Variants in RORA observed in about 807,000 individuals in gnomAD.
The protein encoded by RORA is RAR related orphan receptor A.
RORA carries 7 observed loss-of-function variants against 69.5 expected under a neutral mutation model. The ratio of observed to expected loss-of-function variants is 0.10; its 90% CI spans 0.06 to 0.19. The LOEUF is 0.19. RORA is among the 10% of genes least tolerant of loss of function. The pLI is 1.00. For missense variants in RORA, 457 were observed against 663.0 expected (o/e 0.69, Z 3.41); for synonymous variants, 261 against 240.8 (o/e 1.08, Z -0.78).
intron 1 of RORA, among the ~76,000 whole-genome samples, chr15:60,688,796 A>G (rs2070782405): frequency 6.6e-6 from 1 of 152,206 alleles, no homozygotes; most frequent in African/African-American, 2.4e-5. Flanking sequence ...CTGACTTGGG[A>G]CAACTTTTGA....
chr15:60,908,479 A>T (rs537259910), intron 1 of RORA, among the ~76,000 whole-genome samples: 1 of 152,202 alleles, frequency 6.6e-6, no homozygotes, highest in African/African-American at 2.4e-5. Flanking sequence ...CAAATTTTCA[A>T]ATCTGTAGAA....
intron 1 of RORA, among the ~76,000 whole-genome samples, chr15:60,927,931 G>T (rs1270685892): frequency 6.6e-6 from 1 of 152,150 alleles, no homozygotes; most frequent in Admixed American, 6.5e-5. Context: ...ACAGTGTCTG[G>T]ATTAGAACCA....
intron 1 of RORA, among the ~76,000 whole-genome samples, chr15:61,076,760 G>A (rs1476933521): frequency 6.6e-6 from 1 of 152,148 alleles, no homozygotes; most frequent in Non-Finnish European, 1.5e-5. Context: ...GTGAGTCCTT[G>A]AACTGCCATC....
intron 2 of RORA, among the ~76,000 whole-genome samples, chr15:60,542,051 TTGAG>T (rs1327787109): frequency 2.0e-5 from 3 of 152,230 alleles, no homozygotes; most frequent in Admixed American, 6.5e-5. Flanking sequence ...TTAAGATAGC[TTGAG>T]TGAGTGAGTG....
At chr15:60,770,761 T>C (rs2140880974) in intron 1 of RORA, among the ~76,000 whole-genome samples, 1 of 152,302 alleles carries the variant, frequency 6.6e-6, no homozygotes, top group Admixed American at 6.5e-5. Flanking sequence ...TAGCTGAGAC[T>C]ACGTGAATGC....
chr15:60,756,029 A>G (rs1239021992), intron 1 of RORA, among the ~76,000 whole-genome samples: 1 of 152,190 alleles, frequency 6.6e-6, no homozygotes, highest in African/African-American at 2.4e-5. Context: ...GGGGCTTATC[A>G]TCCCTCAATA....
At chr15:61,138,983 G>C (rs1317640046) in intron 1 of RORA, among the ~76,000 whole-genome samples, 1 of 151,722 alleles carries the variant, frequency 6.6e-6, no homozygotes, top group African/African-American at 2.4e-5. Flanking sequence ...GTCTCTACTA[G>C]AAATACAAAA....
chr15:61,113,117 C>G (rs886449178), intron 1 of RORA, among the ~76,000 whole-genome samples: 1 of 152,184 alleles, frequency 6.6e-6, no homozygotes, highest in Admixed American at 6.5e-5. Context: ...GCATCTGGCT[C>G]CTGCTATGGG....
Position 60,592,361 on chromosome 15 carries a change from G to A in RORA, c.197-60510C>T, listed in dbSNP as rs1373652249. The A allele has an allele frequency of 3.6e-6, 5 of 1,392,564 alleles. No homozygotes were observed. In the East Asian group the frequency reaches 1.3e-4, roughly 36 times the overall value. The allele number at this position is 1,392,564 out of a possible 1,614,324, so 86.3% of individuals were successfully genotyped here. On this transcript the variant is annotated intron_variant, in intron 2 of 10. Coordinates refer to ENST00000335670, the MANE Select transcript of RORA (RefSeq NM_134261.3). ...GCCCCCCGGAGCCGCCAGCCCACCC[G>A]GCCCCGGCGGGGCGCCCGGGCTCAC...
chr15:60,611,732 C>A (rs1379282625), intron 2 of RORA, among the ~76,000 whole-genome samples: 1 of 151,950 alleles, frequency 6.6e-6, no homozygotes, highest in Non-Finnish European at 1.5e-5. Context: ...GATGGAGAGA[C>A]CCGCCTTTCT....
chr15:61,162,418 CA>C (rs999876540), intron 1 of RORA, among the ~76,000 whole-genome samples: 8 of 152,136 alleles, frequency 5.3e-5, no homozygotes, highest in African/African-American at 1.7e-4. Flanking sequence ...CAAAAGGCCA[CA>C]CACGAAAGCA....
chr15:60,697,711 C>A (rs559133496), intron 1 of RORA, among the ~76,000 whole-genome samples: 150 of 152,334 alleles, frequency 9.8e-4, no homozygotes, highest in South Asian at 2.1e-3. Context: ...TCTAGGGTAA[C>A]TCTGAAGAGA....
At chr15:60,674,698 T>C (rs2070526147) in intron 2 of RORA, among the ~76,000 whole-genome samples, 1 of 152,262 alleles carries the variant, frequency 6.6e-6, no homozygotes, top group South Asian at 2.1e-4. Context: ...TTTTAATGGC[T>C]ATTCACGTTA....
chr15:60,684,178 T>A (rs2070702302), intron 1 of RORA, among the ~76,000 whole-genome samples: 1 of 152,138 alleles, frequency 6.6e-6, no homozygotes, highest in East Asian at 1.9e-4. Flanking sequence ...AGGCCTTGTA[T>A]CCTGGACAAG....
intron 1 of RORA, among the ~76,000 whole-genome samples, chr15:61,014,974 T>C (rs1895229895): frequency 6.6e-6 from 1 of 152,204 alleles, no homozygotes; most frequent in Non-Finnish European, 1.5e-5. Flanking sequence ...TCTGCTCCAT[T>C]TTCTGCATTT....
intron 1 of RORA, among the ~76,000 whole-genome samples, chr15:60,715,922 C>T (rs958073740): frequency 1.1e-4 from 17 of 152,160 alleles, no homozygotes; most frequent in Admixed American, 3.9e-4. Flanking sequence ...ATGATTCTTC[C>T]TCTCAACCTA....
At chr15:60,545,537 A>T (rs1053795037) in intron 2 of RORA, among the ~76,000 whole-genome samples, 4 of 152,310 alleles carry the variant, frequency 2.6e-5, no homozygotes, top group African/African-American at 7.2e-5. Flanking sequence ...GTAGCAAAAC[A>T]GGTGCTCTAT....
chr15:61,134,489 C>T (rs771410022), intron 1 of RORA, among the ~76,000 whole-genome samples: 22 of 152,174 alleles, frequency 1.4e-4, no homozygotes, highest in Admixed American at 2.6e-4. Context: ...CCCTGGAAAA[C>T]ATTGAGGAGG....
chr15:60,522,595 C>A (rs2066205819), intron 3 of RORA, among the ~76,000 whole-genome samples: 1 of 151,086 alleles, frequency 6.6e-6, no homozygotes, highest in Admixed American at 6.6e-5. Context: ...GCAACATAGA[C>A]CCTGTCTCTA....
Sources: gnomAD v4.1 joint callset for allele counts (sites outside exome capture counted in the v4.1 genomes callset) on GRCh38, gnomAD v4.1.1 for gene constraint, MANE v1.5 for transcripts, NCBI Gene and HGNC (gene_info 2026-07-23, HGNC 2026-07-21) for gene names.